The following ARHGEF12 variants were observed in gnomAD, a reference collection of about 807,000 sequenced individuals.
ARHGEF12 encodes KMT2A/ARHGEF12 fusion protein.
In ARHGEF12, 66 loss-of-function variants were observed where a neutral mutation model predicts 211.2. The observed-to-expected ratio is 0.31, with a 90% confidence interval of 0.26 to 0.38. ARHGEF12 has a LOEUF of 0.38. Ranked by LOEUF, ARHGEF12 falls within the 10% of genes least tolerant of loss-of-function variation. The pLI, the probability that ARHGEF12 is intolerant of heterozygous loss-of-function variation, is 1.00. For missense variants in ARHGEF12, 1,429 were observed against 1,869.5 expected, an observed-to-expected ratio of 0.76 and a Z score of 4.34; for synonymous variants, 592 against 638.4, an observed-to-expected ratio of 0.93 and a Z score of 1.09.
intron 22 of ARHGEF12, among the ~76,000 whole-genome samples, chr11:120,452,810 A>G (rs534878636): frequency 6.6e-6 from 1 of 152,286 alleles, no homozygotes; most frequent in African/African-American, 2.4e-5. Context: ...AGCCTGGCCA[A>G]CATGGTGAAA....
At chr11:120,426,340 C>T (rs965705381) in intron 7 of ARHGEF12, among the ~76,000 whole-genome samples, 1 of 152,140 alleles carries the variant, frequency 6.6e-6, no homozygotes, top group Non-Finnish European at 1.5e-5. Flanking sequence ...CAATAAATTA[C>T]TTACCCAATA....
chr11:120,440,353 C>T, intron 13 of ARHGEF12, 132 bp downstream of exon 13: 1 of 694,812 alleles, frequency 1.4e-6, no homozygotes, highest in Non-Finnish European at 2.4e-6. Flanking sequence ...GAACCAATAG[C>T]TCCTTGGGTT....
At chr11:120,473,739 T>C (rs1053155217) in intron 31 of ARHGEF12, among the ~76,000 whole-genome samples, 3 of 152,202 alleles carry the variant, frequency 2.0e-5, no homozygotes, top group Non-Finnish European at 4.4e-5. Flanking sequence ...TTGGTAACTT[T>C]CCAGATCATT....
At chr11:120,453,849 G>C (rs185722267) in intron 22 of ARHGEF12, among the ~76,000 whole-genome samples, 2 of 152,318 alleles carry the variant, frequency 1.3e-5, no homozygotes, top group Non-Finnish European at 2.9e-5. Context: ...CTCAGAGTTA[G>C]CATATGTTAT....
chr11:120,430,660 T>C (rs1047255160), intron 10 of ARHGEF12, among the ~76,000 whole-genome samples: 12 of 152,218 alleles, frequency 7.9e-5, no homozygotes, highest in Admixed American at 3.3e-4. Context: ...TTTTTGTCAC[T>C]GTTCCCGAGT....
At chr11:120,437,241 CT>C (rs1945720459) in intron 11 of ARHGEF12, 66 bp from the exon 12 acceptor site, 15 of 1,124,514 alleles carry the variant, frequency 1.3e-5, no homozygotes, top group Admixed American at 7.3e-5. Context: ...TTTTTTCACA[CT>C]TTTTTCCCTC....
chr11:120,339,981 A>G (rs923948986), intron 1 of ARHGEF12, among the ~76,000 whole-genome samples: 8 of 152,186 alleles, frequency 5.3e-5, no homozygotes, highest in South Asian at 2.1e-4. Flanking sequence ...AACTCAAACT[A>G]TGTTCATGGT....
intron 1 of ARHGEF12, among the ~76,000 whole-genome samples, chr11:120,366,274 G>A (rs1470064779): frequency 2.0e-5 from 3 of 152,108 alleles, no homozygotes; most frequent in African/African-American, 7.2e-5. Context: ...AAACCTTGAG[G>A]ACCCAAATTT....
At chr11:120,476,865 C>A in intron 34 of ARHGEF12, 117 bp downstream of exon 34, 1 of 750,162 alleles carries the variant, frequency 1.3e-6, no homozygotes, top group Non-Finnish European at 2.1e-6. Flanking sequence ...TTCCTCTGTA[C>A]TCTTTTAGAG....
At chr11:120,466,301 A>G (rs1454492380) in intron 28 of ARHGEF12, among the ~76,000 whole-genome samples, 2 of 152,218 alleles carry the variant, frequency 1.3e-5, no homozygotes, top group African/African-American at 4.8e-5. Context: ...CTTGCTAGCT[A>G]TTGGCTAGGA....
chr11:120,424,721 A>C (rs1322729092), intron 7 of ARHGEF12, among the ~76,000 whole-genome samples: 1 of 152,200 alleles, frequency 6.6e-6, no homozygotes, highest in Non-Finnish European at 1.5e-5. Flanking sequence ...ACTAATAGCT[A>C]TCTTTTGTCA....
intron 17 of ARHGEF12, 44 bp from the exon 18 acceptor site, chr11:120,446,904 G>A: frequency 6.3e-7 from 1 of 1,592,202 alleles, no homozygotes; most frequent in Non-Finnish European, 8.5e-7. Flanking sequence ...GAATGAGGTA[G>A]TTTTTCTTTA....
chr11:120,477,175 T>C, intron 34 of ARHGEF12, 44 bp from the exon 35 acceptor site: 1 of 1,534,544 alleles, frequency 6.5e-7, no homozygotes, highest in Non-Finnish European at 8.9e-7. Flanking sequence ...AGGATATTTC[T>C]TTTTTCTTTT....
intron 1 of ARHGEF12, among the ~76,000 whole-genome samples, chr11:120,394,823 C>T (rs144562934): frequency 6.6e-4 from 100 of 151,548 alleles, no homozygotes; most frequent in African/African-American, 2.3e-3. Flanking sequence ...TTTGGGAAGC[C>T]GAGGTGGGCA....
At chr11:120,402,606 A>G (rs1285054865) in intron 1 of ARHGEF12, among the ~76,000 whole-genome samples, 1 of 152,194 alleles carries the variant, frequency 6.6e-6, no homozygotes, top group African/African-American at 2.4e-5. Flanking sequence ...CTTATTAAGA[A>G]GAACCAACTA....
At chr11:120,473,467 G>T (rs950461900) in intron 31 of ARHGEF12, among the ~76,000 whole-genome samples, 9 of 152,178 alleles carry the variant, frequency 5.9e-5, no homozygotes, top group Non-Finnish European at 1.0e-4. Flanking sequence ...CAGTGGTGCA[G>T]TCTTGGCTCA....
chr11:120,464,500 G>A (rs1286492308), intron 27 of ARHGEF12: 2 of 151,836 alleles, frequency 1.3e-5, no homozygotes, highest in Non-Finnish European at 2.9e-5. Flanking sequence ...GAGAATCACT[G>A]GAACCTGGGA....
intron 1 of ARHGEF12, among the ~76,000 whole-genome samples, chr11:120,366,816 AC>A (rs1214143082): frequency 6.6e-6 from 1 of 152,178 alleles, no homozygotes; most frequent in Admixed American, 6.5e-5. Context: ...GGAGTTCAAG[AC>A]CAGCCTGGCT....
chr11:120,350,080 T>C (rs937992683), intron 1 of ARHGEF12, among the ~76,000 whole-genome samples: 1 of 152,234 alleles, frequency 6.6e-6, no homozygotes, highest in African/African-American at 2.4e-5. Flanking sequence ...TGTTTATTTA[T>C]TCAGTAAATA....
Sources: gnomAD v4.1 joint callset for allele counts (sites outside exome capture counted in the v4.1 genomes callset) on GRCh38, gnomAD v4.1.1 for gene constraint, MANE v1.5 for transcripts, NCBI Gene and HGNC (gene_info 2026-07-23, HGNC 2026-07-21) for gene names.